Variants in PCMTD2 observed in about 807,000 individuals in gnomAD.
PCMTD2 encodes the protein protein-L-isoaspartate O-methyltransferase domain-containing protein 2.
Under a neutral mutation model 33.4 loss-of-function variants are expected in PCMTD2, and 16 were observed. That is an observed-to-expected ratio of 0.48 (90% CI 0.32 to 0.73). The LOEUF is 0.73. Ranked by LOEUF, PCMTD2 falls within the 30% of genes least tolerant of loss-of-function variation. The pLI, the probability that PCMTD2 is intolerant of heterozygous loss-of-function variation, is 0.03. For missense variants in PCMTD2, 374 were observed against 449.9 expected (o/e 0.83, Z 1.53); for synonymous variants, 161 against 160.8 (o/e 1.00, Z -0.01).
intron 4 of PCMTD2, among the ~76,000 whole-genome samples, chr20:64,266,983 T>C (rs1460483838): frequency 6.6e-6 from 1 of 152,246 alleles, no homozygotes; most frequent in Non-Finnish European, 1.5e-5. Context: ...TTTGTTGATA[T>C]TTACTTAGTA....
chr20:64,261,475 C>T (rs913848993), intron 2 of PCMTD2, among the ~76,000 whole-genome samples: 2 of 152,096 alleles, frequency 1.3e-5, no homozygotes, highest in African/African-American at 2.4e-5. Flanking sequence ...TTTGGGAAGC[C>T]GAGGTCGGAG....
intron 2 of PCMTD2, among the ~76,000 whole-genome samples, chr20:64,263,855 T>G (rs925597006): frequency 1.3e-5 from 2 of 152,234 alleles, no homozygotes; most frequent in Non-Finnish European, 2.9e-5. Context: ...AAGTTGAGTG[T>G]CAATACTGTG....
intron 5 of PCMTD2, among the ~76,000 whole-genome samples, chr20:64,270,438 CAT>C (rs1325545761): frequency 4.1e-5 from 6 of 144,748 alleles, no homozygotes; most frequent in South Asian, 4.4e-4. Context: ...CGTGATGTGT[CAT>C]GTGACTGCGG....
rs1985134191 is a variant in PCMTD2 at position 64,255,888 on chromosome 20, GCC to G, written c.-25+19_-25+20del. The G allele has an allele frequency of 6.8e-6, 1 of 146,930 alleles. No homozygotes were observed. The highest frequency in any genetic ancestry group is 2.5e-5 in the African/African-American group (1 of 39,930). 9.1% of individuals were successfully genotyped at this position (146,930 alleles called of 1,614,324 possible). On this transcript the variant is annotated intron_variant, in intron 1 of 5. Coordinates refer to ENST00000308824, the MANE Select transcript of PCMTD2 (RefSeq NM_018257.3). ...GCCTGGAGGTAGAGCCGCCGCCGCC[GCC>G]GCCGCCCCTCGGTCCGGCCTGCGGC...
intron 1 of PCMTD2, among the ~76,000 whole-genome samples, chr20:64,257,587 A>G (rs1010112989): frequency 3.3e-5 from 5 of 152,324 alleles, no homozygotes; most frequent in Admixed American, 2.6e-4. Context: ...GACTGATCAT[A>G]TCGATGGTTT....
intron 5 of PCMTD2, among the ~76,000 whole-genome samples, chr20:64,268,566 GCAAAACCTCCTAATGTTT>G (rs906151917): frequency 6.6e-6 from 1 of 152,194 alleles, no homozygotes; most frequent in Non-Finnish European, 1.5e-5. Context: ...CAGCACGACA[GCAAAACCTCCTAATGTTT>G]TAAAATTTAA....
In PCMTD2 at chr20:64,255,749, G is replaced by GCGGCGT; in HGVS notation, c.-146_-145insCGGCGT. The GCGGCGT allele has an allele frequency of 5.0e-6, 1 of 201,014 alleles. No individual in the cohort carries two copies. The allele number at this position is 201,014 out of a possible 1,614,324, so 12.5% of individuals were successfully genotyped here. ...GGCGGCGGCGGCGGCGGCGGCGGCGGATGTTTACGGCGGCCGAGGTTGGAG... is the reference window on the plus strand; with the variant it reads ...GGCGGCGGCGGCGGCGGCGGCGGCGGCGGCGTATGTTTACGGCGGCCGAGGTTGGAG... On this transcript the variant is annotated 5_prime_UTR_variant, in exon 1 of 6. Coordinates refer to ENST00000308824, the MANE Select transcript of PCMTD2 (RefSeq NM_018257.3).
rs917781414 is a variant in PCMTD2 at position 64,274,752 on chromosome 20, C to T, written c.*1152C>T. The T allele has an allele frequency of 6.6e-6, 1 of 152,238 alleles. No individual in the cohort carries two copies. Among genetic ancestry groups the T allele is most frequent in the South Asian group, 2.1e-4 (1 of 4,832 alleles). 9.4% of individuals were successfully genotyped at this position (152,238 alleles called of 1,614,324 possible). The stretch of plus-strand genomic sequence containing the variant: ...CACTGACTTGTGATATCAGCCTTCT[C>T]TGGGCCTTGTGTGTGGAGAGCTTTC... On this transcript the variant is annotated 3_prime_UTR_variant, in exon 6 of 6. Transcript: ENST00000308824.
Position 64,264,511 on chromosome 20 carries a change from AAC to A in PCMTD2, c.392_393del (p.Thr131LysfsTer2). On this transcript the variant is annotated frameshift_variant, in exon 3 of 6. Coordinates refer to ENST00000308824, the MANE Select transcript of PCMTD2 (RefSeq NM_018257.3). LOFTEE classifies it high-confidence loss of function. Reference sequence around the variant, plus strand: ...AGCAGAAACTGGACTTCTTCATCAGAACAAGTGATAGTTTTGACAAGTAAGAT... The same window carrying A: ...AGCAGAAACTGGACTTCTTCATCAGAAAGTGATAGTTTTGACAAGTAAGAT... The part of the protein sequence containing the change: ...AKQKLDFFIR[T>X]SDSFDKFDFC... 1 of 1,569,378 alleles carries A rather than the reference AAC, an allele frequency of 6.4e-7. No homozygotes were observed. Among genetic ancestry groups the A allele is most frequent in the Admixed American group, 1.7e-5 (1 of 59,956 alleles).
chr20:64,269,863 T>C (rs1161589575), intron 5 of PCMTD2, among the ~76,000 whole-genome samples: 2 of 144,966 alleles, frequency 1.4e-5, no homozygotes, highest in East Asian at 4.2e-4. Flanking sequence ...GTGTGGGGGG[T>C]GTGGGCGTGC....
intron 5 of PCMTD2, among the ~76,000 whole-genome samples, chr20:64,268,602 A>G (rs1307366011): frequency 2.0e-5 from 3 of 152,214 alleles, no homozygotes; most frequent in Non-Finnish European, 4.4e-5. Context: ...TAAACGGCTC[A>G]CACAGAAATG....
intron 4 of PCMTD2, among the ~76,000 whole-genome samples, chr20:64,267,130 T>C (rs1459082395): frequency 6.6e-6 from 1 of 152,244 alleles, no homozygotes; most frequent in Non-Finnish European, 1.5e-5. Flanking sequence ...AATAGTTTTG[T>C]GACCTGTGTA....
intron 4 of PCMTD2, among the ~76,000 whole-genome samples, chr20:64,266,949 A>T (rs1313417110): frequency 6.6e-6 from 1 of 152,196 alleles, no homozygotes; most frequent in Non-Finnish European, 1.5e-5. Flanking sequence ...AAATAAACAT[A>T]TGTTTTGCTG....
At chr20:64,273,014 G>T (rs972252089) in intron 5 of PCMTD2, among the ~76,000 whole-genome samples, 2 of 152,156 alleles carry the variant, frequency 1.3e-5, no homozygotes, top group African/African-American at 4.8e-5. Context: ...GTTAAGAATT[G>T]ATGCATTTGG....
chr20:64,267,146 C>CTTT (rs1985692847), intron 4 of PCMTD2, among the ~76,000 whole-genome samples: 1 of 152,272 alleles, frequency 6.6e-6, no homozygotes, highest in Middle Eastern at 3.4e-3. Flanking sequence ...GTGTAGGCCA[C>CTTT]TTGGAGACTG....
At chr20:64,271,687 G>A (rs1046463532) in intron 5 of PCMTD2, 1 of 154,326 alleles carries the variant, frequency 6.5e-6, no homozygotes, top group African/African-American at 2.4e-5. Flanking sequence ...GGAACCTTAG[G>A]GAGCAGCACT....
intron 5 of PCMTD2, chr20:64,272,346 T>C (rs1328990309): frequency 7.1e-6 from 2 of 279,734 alleles, no homozygotes; most frequent in Non-Finnish European, 1.5e-5. Flanking sequence ...AATGTAATTT[T>C]CCCTTTGAGA....
rs943817733 is a variant in PCMTD2 at position 64,274,847 on chromosome 20, T to G, written c.*1247T>G. 6.6e-6 allele frequency: 1 copy of G among 152,198 alleles called. No individual in the cohort carries two copies. The highest frequency in any genetic ancestry group is 2.4e-5 in the African/African-American group (1 of 41,446). 9.4% of individuals were successfully genotyped at this position (152,198 alleles called of 1,614,324 possible). A position where few individuals can be genotyped will look rare whatever the true frequency, so the allele number is the denominator to read the frequency against. ...TAGTCACATAGCAGAATGATCAGAGTTACATTGCTTATTCCAAAACATTGG... is the reference window on the plus strand; with the variant it reads ...TAGTCACATAGCAGAATGATCAGAGGTACATTGCTTATTCCAAAACATTGG... On this transcript the variant is annotated 3_prime_UTR_variant, in exon 6 of 6. Transcript: ENST00000308824.
intron 2 of PCMTD2, among the ~76,000 whole-genome samples, chr20:64,264,017 A>C (rs992177427): frequency 1.3e-5 from 2 of 152,136 alleles, no homozygotes; most frequent in African/African-American, 4.8e-5. Flanking sequence ...GTTTTATCTT[A>C]ATGATGATGA....
Sources: allele counts gnomAD v4.1 joint callset (sites outside exome capture counted in the v4.1 genomes callset), GRCh38; gene constraint gnomAD v4.1.1; transcripts MANE v1.5; gene names NCBI Gene and HGNC (gene_info 2026-07-23, HGNC 2026-07-21).